The following CSMD1 variants were observed in gnomAD, a reference collection of about 807,000 sequenced individuals.
CSMD1 encodes the protein CUB and Sushi multiple domains 1, also known as CUB and sushi domain-containing protein 1.
A neutral mutation model predicts 417.5 loss-of-function variants in CSMD1; 213 were observed. The ratio of observed to expected loss-of-function variants is 0.51; its 90% CI spans 0.46 to 0.57. The LOEUF is 0.57. CSMD1 is among the 20% of genes least tolerant of loss of function. The probability of loss-of-function intolerance (pLI) is 0.00; values close to 1 mark genes in which losing one functional copy is unlikely to be tolerated. For missense variants in CSMD1, 6,923 were observed against 4,529.7 expected, an observed-to-expected ratio of 1.53 and a Z score of -15.17; for synonymous variants, 2,862 against 1,736.8, an observed-to-expected ratio of 1.65 and a Z score of -16.11.
chr8:3,079,537 A>G (rs1813931698), intron 49 of CSMD1, among the ~76,000 whole-genome samples: 2 of 152,234 alleles, frequency 1.3e-5, no homozygotes, highest in African/African-American at 2.4e-5. Context: ...TCAAATACCT[A>G]TGCTCTTTAT....
intron 40 of CSMD1, among the ~76,000 whole-genome samples, chr8:3,143,762 T>G (rs988953237): frequency 2.6e-5 from 4 of 152,162 alleles, no homozygotes; most frequent in African/African-American, 9.7e-5. Context: ...TTAAAAAAAT[T>G]TTTGCATCTA....
At chr8:4,746,703 T>A (rs1291801338) in intron 1 of CSMD1, among the ~76,000 whole-genome samples, 1 of 152,148 alleles carries the variant, frequency 6.6e-6, no homozygotes, top group African/African-American at 2.4e-5. Flanking sequence ...TACTCTGAGC[T>A]GCTGGGGCTA....
intron 1 of CSMD1, among the ~76,000 whole-genome samples, chr8:4,889,982 G>T (rs996836554): frequency 6.6e-6 from 1 of 152,100 alleles, no homozygotes; most frequent in Non-Finnish European, 1.5e-5. Flanking sequence ...CTATGAAACA[G>T]AAATATATGA....
chr8:3,080,248 G>C (rs1813989071), intron 49 of CSMD1, among the ~76,000 whole-genome samples: 1 of 152,158 alleles, frequency 6.6e-6, no homozygotes, highest in Non-Finnish European at 1.5e-5. Flanking sequence ...AGATAATACA[G>C]AGAATTTCAG....
chr8:3,381,527 G>T (rs1202722696), intron 18 of CSMD1, among the ~76,000 whole-genome samples: 2 of 151,932 alleles, frequency 1.3e-5, no homozygotes, highest in Non-Finnish European at 2.9e-5. Flanking sequence ...TATTTTAAGG[G>T]TTATCATTCT....
At chr8:4,490,024 G>C (rs74369783) in intron 2 of CSMD1, among the ~76,000 whole-genome samples, 379 of 148,080 alleles carry the variant, frequency 2.6e-3, no homozygotes, top group African/African-American at 9.1e-3. Flanking sequence ...GTCAATTTAC[G>C]ATACTCAGGT....
At chr8:4,621,212 C>A (rs998207481) in intron 2 of CSMD1, among the ~76,000 whole-genome samples, 2 of 151,998 alleles carry the variant, frequency 1.3e-5, no homozygotes, top group African/African-American at 4.8e-5. Context: ...TGAGACCCAA[C>A]ACTAAATACA....
At chr8:4,044,571 G>A (rs1365900685) in intron 3 of CSMD1, among the ~76,000 whole-genome samples, 2 of 152,148 alleles carry the variant, frequency 1.3e-5, no homozygotes, top group South Asian at 2.1e-4. Flanking sequence ...GCAGAGCTCG[G>A]TCACCGGAAG....
chr8:4,407,330 A>T (rs963495502), intron 3 of CSMD1, among the ~76,000 whole-genome samples: 1 of 152,236 alleles, frequency 6.6e-6, no homozygotes, highest in Non-Finnish European at 1.5e-5. Context: ...TGAAATGAAA[A>T]CATATACAAT....
intron 3 of CSMD1, among the ~76,000 whole-genome samples, chr8:4,189,851 A>T (rs1798909748): frequency 6.6e-6 from 1 of 152,170 alleles, no homozygotes; most frequent in Admixed American, 6.5e-5. Context: ...TAACATATTA[A>T]TATTTTTTGT....
At chr8:4,207,619 C>A (rs565077029) in intron 3 of CSMD1, among the ~76,000 whole-genome samples, 1 of 152,200 alleles carries the variant, frequency 6.6e-6, no homozygotes, top group African/African-American at 2.4e-5. Flanking sequence ...AGACTGGCAA[C>A]ATTTTCATTA....
At chr8:3,709,573 G>A (rs903842671) in intron 6 of CSMD1, among the ~76,000 whole-genome samples, 1 of 151,866 alleles carries the variant, frequency 6.6e-6, no homozygotes, top group Non-Finnish European at 1.5e-5. Flanking sequence ...CCCAGTGTGG[G>A]TGGGCCTGGT....
intron 12 of CSMD1, among the ~76,000 whole-genome samples, chr8:3,421,457 T>C (rs1813483599): frequency 6.6e-6 from 1 of 152,228 alleles, no homozygotes; most frequent in South Asian, 2.1e-4. Context: ...TTCTCTACCT[T>C]ATCAAAGACT....
chr8:4,149,252 C>T (rs1486966670), intron 3 of CSMD1, among the ~76,000 whole-genome samples: 1 of 152,142 alleles, frequency 6.6e-6, no homozygotes, highest in East Asian at 1.9e-4. Context: ...GCATAAGCCA[C>T]TATGCCCAGC....
intron 5 of CSMD1, among the ~76,000 whole-genome samples, chr8:3,964,016 A>G (rs1812509686): frequency 6.8e-6 from 1 of 146,962 alleles, no homozygotes; most frequent in South Asian, 2.1e-4. Context: ...ATGCACAAAG[A>G]AACTTCATGC....
In CSMD1 at chr8:3,412,691, C is replaced by T. The variant is rs12677674; in HGVS notation, c.1562-3086G>A. On this transcript the variant is annotated intron_variant, in intron 12 of 69. Transcript: ENST00000635120. Reference sequence around the variant, plus strand: ...GATGATCCTTACAGAGTCAGCTCTACGAAAGCAAAATGTTCCTAATGCAAC... The same window carrying T: ...GATGATCCTTACAGAGTCAGCTCTATGAAAGCAAAATGTTCCTAATGCAAC... 0.021 allele frequency among the ~76,000 whole-genome samples: 3,241 copies of T among 152,198 alleles called. 249 individuals are homozygous for T. In the East Asian group the frequency reaches 0.22, roughly 10 times the overall value.
Position 3,840,727 on chromosome 8 carries a change from G to A in CSMD1, c.819-86685C>T, listed in dbSNP as rs549527167. Among the ~76,000 whole-genome samples the A allele has an allele frequency of 3.4e-5, 5 of 148,504 alleles. No homozygotes were observed. The East Asian group carries it at 7.9e-4, about 23-fold the overall frequency. Reference sequence around the variant, plus strand: ...TTTTTTTTGACACGGAATCTATCTGGCTCTGTCGTGTAGGCTGGAGTTCAG... The same window carrying A: ...TTTTTTTTGACACGGAATCTATCTGACTCTGTCGTGTAGGCTGGAGTTCAG... On this transcript the variant is annotated intron_variant, in intron 5 of 69. Transcript: ENST00000635120.
intron 5 of CSMD1, among the ~76,000 whole-genome samples, chr8:3,756,316 G>A (rs1030425055): frequency 6.7e-6 from 1 of 149,492 alleles, no homozygotes; most frequent in African/African-American, 2.5e-5. Flanking sequence ...TCGCGCCACT[G>A]CACTCCACCC....
chr8:3,475,696 G>A (rs1248489625), intron 11 of CSMD1, among the ~76,000 whole-genome samples: 1 of 152,180 alleles, frequency 6.6e-6, no homozygotes, highest in Non-Finnish European at 1.5e-5. Flanking sequence ...TCTGGTTGCA[G>A]TCAGTATCGA....
Sources: gnomAD v4.1 joint callset for allele counts (sites outside exome capture counted in the v4.1 genomes callset) on GRCh38, gnomAD v4.1.1 for gene constraint, MANE v1.5 for transcripts, NCBI Gene and HGNC (gene_info 2026-07-23, HGNC 2026-07-21) for gene names.